METTL13: variants seen among roughly 807,000 people sequenced by gnomAD.
METTL13 encodes the protein methyltransferase 13, eEF1A N-terminus and K55, also known as eEF1A lysine and N-terminal methyltransferase.
METTL13 carries 52 observed loss-of-function variants against 67.4 expected under a neutral mutation model. The observed-to-expected ratio is 0.77, with a 90% confidence interval of 0.62 to 0.97. METTL13 has a LOEUF of 0.97. METTL13 is among the 50% of genes least tolerant of loss of function. The pLI is 0.00. For missense variants in METTL13, 825 were observed against 889.6 expected, an observed-to-expected ratio of 0.93 and a Z score of 0.92; for synonymous variants, 354 against 353.6, an observed-to-expected ratio of 1.00 and a Z score of -0.01.
intron 5 of METTL13, among the ~76,000 whole-genome samples, chr1:171,791,684 G>A (rs1657211200): frequency 1.3e-5 from 2 of 151,980 alleles, no homozygotes; most frequent in Admixed American, 1.3e-4. Flanking sequence ...GGCTGGTCTC[G>A]AACTCCTGAG....
At chr1:171,795,141 G>A (rs61807979) in intron 7 of METTL13, among the ~76,000 whole-genome samples, 29,069 of 152,114 alleles carry the variant, frequency 0.19, 2,930 homozygotes, top group African/African-American at 0.23. Context: ...TACTCTTTAA[G>A]TGTCCATTTT....
chr1:171,790,935 T>C, intron 5 of METTL13: 1 of 194,910 alleles, frequency 5.1e-6, no homozygotes. Context: ...AGCTTTTCTG[T>C]AATGCATTAT....
At chr1:171,794,704 C>T (rs778690912) in intron 7 of METTL13, among the ~76,000 whole-genome samples, 177 bp downstream of exon 7, 48 of 152,252 alleles carry the variant, frequency 3.2e-4, no homozygotes, top group Non-Finnish European at 6.6e-4. Context: ...TATCTCTTAT[C>T]CCCTTTCAGT....
rs1383096555 is a variant in METTL13, at chr1:171,796,805, G to C, written c.*49G>C. 4 of 1,585,760 alleles carry C rather than the reference G, an allele frequency of 2.5e-6. No homozygotes were observed. The highest frequency in any genetic ancestry group is 3.4e-6 in the Non-Finnish European group (4 of 1,165,504). On this transcript the variant is annotated 3_prime_UTR_variant, in exon 8 of 8. Coordinates refer to ENST00000361735, the MANE Select transcript of METTL13 (RefSeq NM_015935.5). Reference sequence around the variant, plus strand: ...TGCCTAGACTGACCTTGGACTCCCAGCCTGCCAGAGAATGAAGAAATACAA... The same window carrying C: ...TGCCTAGACTGACCTTGGACTCCCACCCTGCCAGAGAATGAAGAAATACAA...
At chr1:171,785,207 T>TTAA (rs1203856596) in intron 2 of METTL13, among the ~76,000 whole-genome samples, 1 of 152,220 alleles carries the variant, frequency 6.6e-6, no homozygotes, top group Non-Finnish European at 1.5e-5. Context: ...CAGATTTATC[T>TTAA]TAATAAGGAT....
At chr1:171,791,920 A>T in intron 5 of METTL13, 97 bp from the exon 6 acceptor site, 1 of 1,233,086 alleles carries the variant, frequency 8.1e-7, no homozygotes, top group Non-Finnish European at 1.2e-6. Flanking sequence ...CCCTGAATGG[A>T]GACAGTGAGC....
At chr1:171,789,910 ATTTG>A (rs1657146418) in intron 4 of METTL13, among the ~76,000 whole-genome samples, 2 of 152,196 alleles carry the variant, frequency 1.3e-5, no homozygotes, top group African/African-American at 2.4e-5. Flanking sequence ...CCACCACTGT[ATTTG>A]TTTGTTTTAC....
chr1:171,786,612 C>T (rs1319408984), intron 3 of METTL13, among the ~76,000 whole-genome samples: 2 of 152,142 alleles, frequency 1.3e-5, no homozygotes, highest in Admixed American at 1.3e-4. Flanking sequence ...CCATGGGTAA[C>T]GAACAAGTGA....
intron 4 of METTL13, among the ~76,000 whole-genome samples, chr1:171,788,204 A>G (rs776915499): frequency 2.6e-5 from 4 of 152,212 alleles, no homozygotes; most frequent in Non-Finnish European, 4.4e-5. Flanking sequence ...GGTGCTCCAT[A>G]TACATCTGTG....
Position 171,786,040 on chromosome 1 carries a change from A to T in METTL13, c.1075A>T (p.Met359Leu), listed in dbSNP as rs201618453. 1.5e-4 allele frequency: 245 copies of T among 1,613,868 alleles called. No homozygotes were observed. Among genetic ancestry groups the T allele is most frequent in the Non-Finnish European group, 5.8e-5 (69 of 1,179,974 alleles). The part of the protein sequence containing the change: ...HIQAELSARV[M>L]ELAPAGMPTQ... ...CCAAGCTGAGCTGTCGGCTAGAGTCATGGAGCTGGCCCCAGCTGGGATGCC... is the reference window on the plus strand; with the variant it reads ...CCAAGCTGAGCTGTCGGCTAGAGTCTTGGAGCTGGCCCCAGCTGGGATGCC... The change falls in exon 3 of 8, where the codon ATG becomes TTG. Residue 359 changes from methionine (M) to leucine (L), a missense_variant. Physicochemically the swap from Met to Leu is conservative, Grantham distance 15 (BLOSUM62 2). Coordinates refer to ENST00000361735, the MANE Select transcript of METTL13 (RefSeq NM_015935.5).
At chr1:171,788,496 AATTTAC>A (rs1330225367) in intron 4 of METTL13, among the ~76,000 whole-genome samples, 8 of 152,210 alleles carry the variant, frequency 5.3e-5, no homozygotes, top group African/African-American at 1.7e-4. Flanking sequence ...AATTCTAATT[AATTTAC>A]ATTTATATTT....
intron 5 of METTL13, among the ~76,000 whole-genome samples, chr1:171,791,323 G>C (rs535530851): frequency 6.6e-6 from 1 of 152,280 alleles, no homozygotes; most frequent in East Asian, 1.9e-4. Flanking sequence ...AACTTGAATG[G>C]CTTACCCTTA....
intron 4 of METTL13, among the ~76,000 whole-genome samples, chr1:171,790,108 G>A (rs1657153211): frequency 6.6e-6 from 1 of 152,174 alleles, no homozygotes; most frequent in East Asian, 1.9e-4. Context: ...GCAAGAGAGG[G>A]AGCAAAAGAG....
At position 171,781,909 on chromosome 1, in the gene METTL13, C is replaced by T. The variant is rs907376731; in HGVS notation, c.-59C>T. Reference sequence around the variant, plus strand: ...GCCTGCGTGTGGTGGGCAAGCTCCTCAAATGGTATCTCACAGGGAATAGGG... The same window carrying T: ...GCCTGCGTGTGGTGGGCAAGCTCCTTAAATGGTATCTCACAGGGAATAGGG... On this transcript the variant is annotated 5_prime_UTR_variant, in exon 1 of 8. An upstream open reading frame in the 5' UTR gains an earlier in-frame stop. Coordinates refer to ENST00000361735, the MANE Select transcript of METTL13 (RefSeq NM_015935.5). 3.2e-5 allele frequency: 51 copies of T among 1,600,288 alleles called. No homozygotes were observed. The African/African-American group carries it at 5.6e-4, about 18-fold the overall frequency.
intron 3 of METTL13, 23 bp from the exon 4 acceptor site, chr1:171,787,712 C>T: frequency 6.3e-7 from 1 of 1,599,692 alleles, no homozygotes; most frequent in Non-Finnish European, 8.6e-7. Flanking sequence ...CTGTTTTGAC[C>T]ACATCTCTGG....
Position 171,792,020 on chromosome 1 carries a change from T to G in METTL13, c.1478T>G (p.Ile493Ser). Residue 493 changes from isoleucine (I) to serine (S), a missense_variant, in exon 6 of 8, where the codon ATC becomes AGC. Physicochemically the swap from Ile to Ser is moderately radical, Grantham distance 142. Coordinates refer to ENST00000361735, the MANE Select transcript of METTL13 (RefSeq NM_015935.5). The part of the protein sequence containing the change: ...LLRNPELLLE[I>S]PLALLVVGLG... ...ATGCTCTATTCTTTTCTTACAGAGA[T>G]CCCACTGGCATTGTTGGTGGTAGGC... is the stretch of plus-strand genomic sequence containing the variant. 3.1e-6 allele frequency: 5 copies of G among 1,612,484 alleles called. No homozygotes were observed.
intron 2 of METTL13, 63 bp downstream of exon 2, chr1:171,784,562 C>T: frequency 1.4e-6 from 2 of 1,396,664 alleles, no homozygotes; most frequent in Non-Finnish European, 1.9e-6. Context: ...GGGGCTTGGG[C>T]TGGGGCTGGG....
At chr1:171,785,811 T>G in intron 2 of METTL13, 68 bp from the exon 3 acceptor site, 5 of 1,525,240 alleles carry the variant, frequency 3.3e-6, no homozygotes, top group Non-Finnish European at 4.5e-6. Context: ...CTCCCTGCCG[T>G]TTGGGCCATA....
chr1:171,787,085 G>T (rs549768704), intron 3 of METTL13, among the ~76,000 whole-genome samples: 2 of 152,066 alleles, frequency 1.3e-5, no homozygotes, highest in Admixed American at 1.3e-4. Context: ...TTTCAAGGAA[G>T]CCCAGATCCT....
Sources: allele counts gnomAD v4.1 joint callset (sites outside exome capture counted in the v4.1 genomes callset), GRCh38; gene constraint gnomAD v4.1.1; transcripts MANE v1.5; gene names NCBI Gene and HGNC (gene_info 2026-07-23, HGNC 2026-07-21).